NTM: variants seen among roughly 807,000 people sequenced by gnomAD.
NTM encodes IgLON family member 2.
In NTM, 13 loss-of-function variants were observed where a neutral mutation model predicts 42.1. The observed-to-expected ratio is 0.31, with a 90% CI of 0.20 to 0.49. The LOEUF is 0.49. Among genes scored for constraint, NTM ranks in the 20% least tolerant of loss-of-function variants. The probability of loss-of-function intolerance (pLI) is 0.99; values close to 1 mark genes in which losing one functional copy is unlikely to be tolerated. For synonymous variants in NTM, 187 were observed against 179.2 expected, an observed-to-expected ratio of 1.04 and a Z score of -0.35; for missense variants, 373 against 452.8, an observed-to-expected ratio of 0.82 and a Z score of 1.60.
chr11:131,503,680 G>C (rs417332), intron 1 of NTM, among the ~76,000 whole-genome samples: 73,604 of 151,586 alleles, frequency 0.49, 20,274 homozygotes, highest in African/African-American at 0.77. Context: ...ACTCCACTAT[G>C]CCTGGCTAAT....
At chr11:131,900,181 G>C (rs554148613) in intron 1 of NTM, among the ~76,000 whole-genome samples, 1 of 152,186 alleles carries the variant, frequency 6.6e-6, no homozygotes, top group Non-Finnish European at 1.5e-5. Context: ...CCGAGACCAT[G>C]GGGACTGCAT....
At chr11:132,178,140 C>T (rs1385847949) in intron 3 of NTM, among the ~76,000 whole-genome samples, 2 of 152,168 alleles carry the variant, frequency 1.3e-5, no homozygotes, top group African/African-American at 4.8e-5. Context: ...AACGTGAAGT[C>T]CAACCTGTCT....
intron 2 of NTM, among the ~76,000 whole-genome samples, chr11:132,096,994 A>G (rs375468140): frequency 4.4e-4 from 67 of 152,302 alleles, no homozygotes; most frequent in African/African-American, 1.5e-3. Context: ...GCAGCTTCCC[A>G]TGATATGACT....
At chr11:131,892,336 C>T (rs1297171723) in intron 1 of NTM, among the ~76,000 whole-genome samples, 4 of 152,190 alleles carry the variant, frequency 2.6e-5, no homozygotes, top group African/African-American at 9.7e-5. Context: ...TTATTGTAAC[C>T]GTGCAAAGAG....
chr11:132,300,670 G>A (rs1344147241), intron 4 of NTM, among the ~76,000 whole-genome samples: 1 of 152,176 alleles, frequency 6.6e-6, no homozygotes, highest in East Asian at 1.9e-4. Context: ...GGTTATGTGG[G>A]TAGCTCCCAT....
intron 4 of NTM, among the ~76,000 whole-genome samples, chr11:132,303,915 C>T (rs2094969663): frequency 6.6e-6 from 1 of 151,978 alleles, no homozygotes; most frequent in Non-Finnish European, 1.5e-5. Context: ...TCACAGCAAC[C>T]CTAGAAGTAG....
At chr11:132,281,877 CAAAA>C (rs1442836925) in intron 4 of NTM, among the ~76,000 whole-genome samples, 1 of 151,966 alleles carries the variant, frequency 6.6e-6, no homozygotes, top group Non-Finnish European at 1.5e-5. Flanking sequence ...CTTTCAATCT[CAAAA>C]AAAGTATTGT....
At chr11:131,714,531 G>A (rs994902948) in intron 1 of NTM, among the ~76,000 whole-genome samples, 10 of 152,194 alleles carry the variant, frequency 6.6e-5, no homozygotes, top group East Asian at 5.8e-4. Flanking sequence ...ATTCCCTGGC[G>A]CTGGCTGAAA....
intron 2 of NTM, among the ~76,000 whole-genome samples, chr11:132,052,579 G>A (rs1321205641): frequency 6.6e-6 from 1 of 152,170 alleles, no homozygotes; most frequent in Non-Finnish European, 1.5e-5. Flanking sequence ...TTTCCGGCAA[G>A]AAACAGCAGG....
chr11:132,026,439 C>T (rs1036069322), intron 2 of NTM, among the ~76,000 whole-genome samples: 1 of 152,168 alleles, frequency 6.6e-6, no homozygotes, highest in Non-Finnish European at 1.5e-5. Flanking sequence ...ACTGCCAGAT[C>T]ATGTTCAAGA....
At chr11:131,469,366 C>T (rs1325341119) in intron 1 of NTM, among the ~76,000 whole-genome samples, 2 of 152,154 alleles carry the variant, frequency 1.3e-5, no homozygotes, top group African/African-American at 4.8e-5. Context: ...TCTTCCTCAG[C>T]TATGAGGAAG....
chr11:131,428,710 A>C (rs1315487919), intron 1 of NTM, among the ~76,000 whole-genome samples: 3 of 152,084 alleles, frequency 2.0e-5, no homozygotes, highest in Admixed American at 6.6e-5. Context: ...GCCTCAAAAA[A>C]ACCTGGCCTG....
chr11:132,208,781 C>A (rs1401434122), intron 3 of NTM, among the ~76,000 whole-genome samples: 2 of 152,184 alleles, frequency 1.3e-5, no homozygotes, highest in Non-Finnish European at 2.9e-5. Context: ...AACTACAAAC[C>A]CTAAATCACC....
intron 4 of NTM, among the ~76,000 whole-genome samples, chr11:132,219,235 C>T (rs953126307): frequency 2.0e-5 from 3 of 152,114 alleles, no homozygotes; most frequent in South Asian, 2.1e-4. Flanking sequence ...TTTCTTCAGG[C>T]AGAGTGATTC....
chr11:131,697,893 G>T (rs1041937840), intron 1 of NTM, among the ~76,000 whole-genome samples: 1 of 152,092 alleles, frequency 6.6e-6, no homozygotes, highest in Non-Finnish European at 1.5e-5. Context: ...GGAAAACGTG[G>T]GAACTAGAAC....
chr11:131,745,306 G>A (rs1218229579), intron 1 of NTM, among the ~76,000 whole-genome samples: 2 of 152,184 alleles, frequency 1.3e-5, no homozygotes, highest in African/African-American at 4.8e-5. Context: ...AGGCTGAGCC[G>A]GGACAGGTGA....
intron 1 of NTM, among the ~76,000 whole-genome samples, chr11:131,743,637 A>G (rs1044919760): frequency 6.6e-6 from 1 of 152,180 alleles, no homozygotes; most frequent in Non-Finnish European, 1.5e-5. Flanking sequence ...TGACTTACCA[A>G]CTCTGCAAAT....
chr11:131,906,549 A>G lies in NTM; in HGVS notation c.83-5015A>G, dbSNP rs534819028. Among the ~76,000 whole-genome samples the G allele has an allele frequency of 9.2e-5, 14 of 152,218 alleles. No homozygotes were observed. The South Asian group carries it at 2.9e-3, about 32-fold the overall frequency. ...TCTTATTATGACCCAAAACTTAGAT[A>G]AAAAGGAAAGACTCTGCCCCAAAGA... On this transcript the variant is annotated intron_variant, in intron 1 of 8. Transcript: ENST00000683400.
At chr11:132,127,689 C>T (rs1443063114) in intron 2 of NTM, among the ~76,000 whole-genome samples, 2 of 152,256 alleles carry the variant, frequency 1.3e-5, no homozygotes, top group African/African-American at 2.4e-5. Context: ...GCCAGAGCGG[C>T]ATTCCGGCGG....
Sources: allele counts gnomAD v4.1 joint callset (sites outside exome capture counted in the v4.1 genomes callset), GRCh38; gene constraint gnomAD v4.1.1; transcripts MANE v1.5; gene names NCBI Gene and HGNC (gene_info 2026-07-23, HGNC 2026-07-21).